DHX57: variants seen among roughly 807,000 people sequenced by gnomAD.
DHX57 encodes the protein putative ATP-dependent RNA helicase DHX57.
In DHX57, 105 loss-of-function variants were observed where a neutral mutation model predicts 156.2. That is an observed-to-expected ratio of 0.67 (90% CI 0.57 to 0.79). DHX57 has a LOEUF of 0.79. DHX57 is among the 30% of genes least tolerant of loss of function. The pLI is 0.00. For missense variants in DHX57, 1,847 were observed against 1,661.9 expected (o/e 1.11, Z -1.94); for synonymous variants, 704 against 595.6 (o/e 1.18, Z -2.65).
intron 15 of DHX57, 21 bp from the exon 16 acceptor site, chr2:38,826,068 T>C (rs779126938): frequency 1.9e-6 from 3 of 1,606,704 alleles, no homozygotes; most frequent in Admixed American, 1.7e-5. Context: ...AAAGAAAATA[T>C]AAATTGAGTC....
At chr2:38,830,197 G>A (rs1485077143) in intron 13 of DHX57, among the ~76,000 whole-genome samples, 2 of 152,186 alleles carry the variant, frequency 1.3e-5, no homozygotes, top group East Asian at 3.9e-4. Context: ...CTAAATAAAT[G>A]AGGAATCTGA....
intron 4 of DHX57, 66 bp downstream of exon 4, chr2:38,862,079 T>C: frequency 6.7e-7 from 1 of 1,498,078 alleles, no homozygotes; most frequent in Non-Finnish European, 9.0e-7. Flanking sequence ...AGAGGGGTAG[T>C]GGGTTTATAT....
chr2:38,869,752 G>A (rs537598904), intron 1 of DHX57, among the ~76,000 whole-genome samples: 39 of 152,310 alleles, frequency 2.6e-4, no homozygotes, highest in Middle Eastern at 3.4e-3. Context: ...GTTACAGTAT[G>A]TTATCCAAAA....
At chr2:38,815,379 T>G in intron 20 of DHX57, 142 bp downstream of exon 20, 1 of 1,114,766 alleles carries the variant, frequency 9.0e-7, no homozygotes, top group South Asian at 1.5e-5. Flanking sequence ...GATATTTATT[T>G]GTGCGAAGCA....
intron 7 of DHX57, among the ~76,000 whole-genome samples, chr2:38,855,724 T>C (rs1184700702): frequency 1.3e-5 from 2 of 152,128 alleles, no homozygotes; most frequent in African/African-American, 2.4e-5. Flanking sequence ...AATAAATAAA[T>C]GAAGTCTGCA....
chr2:38,871,990 G>A (rs760686096), intron 1 of DHX57, among the ~76,000 whole-genome samples: 13 of 152,114 alleles, frequency 8.5e-5, no homozygotes, highest in Non-Finnish European at 1.6e-4. Flanking sequence ...TTACAGGCGT[G>A]AGCCACCGCG....
At chr2:38,803,348 G>A (rs958459273) in intron 22 of DHX57, among the ~76,000 whole-genome samples, 3 of 151,970 alleles carry the variant, frequency 2.0e-5, no homozygotes, top group Non-Finnish European at 4.4e-5. Flanking sequence ...CATTCACCCA[G>A]CTGCTCAGGC....
In DHX57 at chr2:38,861,529, G is replaced by C. The variant is rs1250089531; in HGVS notation, c.881C>G (p.Thr294Ser). The C allele has an allele frequency of 1.2e-6, 2 of 1,613,990 alleles. No individual in the cohort carries two copies. Among genetic ancestry groups the C allele is most frequent in the South Asian group, 2.2e-5 (2 of 91,068 alleles). Residue 294 changes from threonine to serine, a missense_variant, in exon 5 of 24, where the codon ACC becomes AGC. Physicochemically the swap from Thr to Ser is moderately conservative, Grantham distance 58. Transcript: ENST00000457308. ...AAGTGAATTCTCTTGTACATTTTTG[G>C]TACTTTCTTTTGGCTTGGATTTGCG... ...RFRKSKPKES[T>S]KNVQENSLEI...
Position 38,819,044 on chromosome 2 carries a change from C to T in DHX57, c.3387+5G>A, listed in dbSNP as rs373184278. 7 of 1,613,962 alleles carry T rather than the reference C, an allele frequency of 4.3e-6. No homozygotes were observed. The highest frequency in any genetic ancestry group is 4.0e-5 in the African/African-American group (3 of 74,866). On this transcript the variant is annotated splice_donor_5th_base_variant and intron_variant, in intron 18 of 23. Coordinates refer to ENST00000457308, the MANE Select transcript of DHX57 (RefSeq NM_198963.3). ...TAAAACTAAGCTATTAGGTTATATACTTACCTTATACGCTTGTAGAAGGGC... is the reference window on the plus strand; with the variant it reads ...TAAAACTAAGCTATTAGGTTATATATTTACCTTATACGCTTGTAGAAGGGC...
chr2:38,826,806 C>T, intron 14 of DHX57, 117 bp from the exon 15 acceptor site: 1 of 1,111,536 alleles, frequency 9.0e-7, no homozygotes, highest in Non-Finnish European at 1.3e-6. Context: ...AACTTCTCCA[C>T]AACCTGTCCT....
chr2:38,817,002 G>A (rs1432987181), intron 19 of DHX57, among the ~76,000 whole-genome samples: 3 of 152,118 alleles, frequency 2.0e-5, no homozygotes, highest in Admixed American at 6.5e-5. Context: ...TTATTGCCCT[G>A]TACATATAAA....
chr2:38,829,274 A>G (rs865826856), intron 13 of DHX57, among the ~76,000 whole-genome samples: 1 of 125,228 alleles, frequency 8.0e-6, no homozygotes, highest in East Asian at 2.6e-4. Flanking sequence ...CTTTTTCAGT[A>G]CACTGGCTAT....
At chr2:38,838,162 G>T (rs1671782462) in intron 12 of DHX57, among the ~76,000 whole-genome samples, 1 of 152,148 alleles carries the variant, frequency 6.6e-6, no homozygotes, top group Admixed American at 6.5e-5. Flanking sequence ...GCAGTGGTGT[G>T]ATCACAGCTC....
intron 19 of DHX57, 22 bp from the exon 20 acceptor site, chr2:38,815,677 T>C: frequency 4.3e-6 from 7 of 1,614,060 alleles, no homozygotes; most frequent in Non-Finnish European, 5.9e-6. Flanking sequence ...GGAAAAACCT[T>C]TAAGCAAGGG....
At chr2:38,849,199 C>G (rs773863768) in intron 9 of DHX57, among the ~76,000 whole-genome samples, 1 of 152,134 alleles carries the variant, frequency 6.6e-6, no homozygotes, top group African/African-American at 2.4e-5. Context: ...ACAATATCAT[C>G]CAGTCTATGA....
At chr2:38,860,748 A>G (rs3112164) in intron 5 of DHX57, among the ~76,000 whole-genome samples, 136,628 of 152,264 alleles carry the variant, frequency 0.9, 63,201 homozygotes, top group Non-Finnish European at 1. Flanking sequence ...CTCGGATTTT[A>G]TATAGTTAAA....
At chr2:38,834,230 C>G (rs1253920900) in intron 13 of DHX57, among the ~76,000 whole-genome samples, 1 of 150,340 alleles carries the variant, frequency 6.7e-6, no homozygotes, top group East Asian at 2.0e-4. Context: ...ACTTGGGAGG[C>G]TGAGGCAGGA....
intron 1 of DHX57, among the ~76,000 whole-genome samples, chr2:38,873,774 C>A (rs974265827): frequency 2.6e-5 from 4 of 151,958 alleles, no homozygotes; most frequent in African/African-American, 9.7e-5. Flanking sequence ...TAGAGGGTAA[C>A]ACAGACATTA....
rs1347374558 is a variant in DHX57, at chr2:38,860,515, C to T, written c.1411+484G>A. Among the ~76,000 whole-genome samples, 4 of 152,094 alleles carry T rather than the reference C, an allele frequency of 2.6e-5. No homozygotes were observed. The East Asian group carries it at 5.8e-4, about 22-fold the overall frequency. On this transcript the variant is annotated intron_variant, in intron 5 of 23. Coordinates refer to ENST00000457308, the MANE Select transcript of DHX57 (RefSeq NM_198963.3). ...ATCTAGACAAAGCTAGAAGCCTGCA[C>T]AAGTATTTGAGGATTTAGGGATTCA...
Sources: allele counts gnomAD v4.1 joint callset (sites outside exome capture counted in the v4.1 genomes callset), GRCh38; gene constraint gnomAD v4.1.1; transcripts MANE v1.5; gene names NCBI Gene and HGNC (gene_info 2026-07-23, HGNC 2026-07-21).